NLRP5: variants seen among roughly 807,000 people sequenced by gnomAD.
NLRP5 encodes the protein NACHT, LRR and PYD domains-containing protein 5.
In NLRP5, 93 loss-of-function variants were observed where a neutral mutation model predicts 113.1. The ratio of observed to expected loss-of-function variants is 0.82; its 90% CI spans 0.70 to 0.98. The LOEUF (loss-of-function observed/expected upper bound fraction) is 0.98, where lower values mean the gene tolerates loss of function less well. NLRP5 is among the 50% of genes least tolerant of loss of function. The pLI is 0.00. For synonymous variants in NLRP5, 751 were observed against 600.7 expected, an observed-to-expected ratio of 1.25 and a Z score of -3.66; for missense variants, 1,808 against 1,514.3, an observed-to-expected ratio of 1.19 and a Z score of -3.22.
At chr19:56,035,029 C>A (rs189658787) in intron 9 of NLRP5, among the ~76,000 whole-genome samples, 4 of 152,332 alleles carry the variant, frequency 2.6e-5, no homozygotes, top group Admixed American at 1.3e-4. Context: ...ACGTCCACCT[C>A]CCTGGTTCAG....
Position 56,019,371 on chromosome 19 carries a change from G to A in NLRP5, c.595G>A (p.Ala199Thr), listed in dbSNP as rs756082635. The stretch of plus-strand genomic sequence containing the variant: ...TTCACAAGCTATGGAACAAGAAGGT[G>A]CCACAGCAGCAGAGACAGAAGAACA... The change falls in exon 5 of 15, where the codon GCC becomes ACC. Residue 199 changes from alanine to threonine, a missense_variant. Physicochemically the swap from Ala to Thr is moderately conservative, Grantham distance 58 (BLOSUM62 0). Transcript: ENST00000390649. 25 of 1,613,876 alleles carry A rather than the reference G, an allele frequency of 1.5e-5. No individual in the cohort carries two copies. Among genetic ancestry groups the A allele is most frequent in the South Asian group, 1.1e-4 (10 of 91,092 alleles).
In NLRP5 at chr19:56,020,435, A is replaced by G; in HGVS notation, c.679+4A>G. 3.7e-6 allele frequency: 6 copies of G among 1,613,220 alleles called. No homozygotes were observed. Among genetic ancestry groups the G allele is most frequent in the Non-Finnish European group, 4.2e-6 (5 of 1,179,502 alleles). On this transcript the variant is annotated splice_donor_region_variant and intron_variant, in intron 6 of 14. Coordinates refer to ENST00000390649, the MANE Select transcript of NLRP5 (RefSeq NM_153447.4). ...GCAGCAGAGACAGAAGAACAAGGTG[A>G]GGAAAATAGATGTATTCCTTGGTTG...
chr19:56,009,001 G>C (rs1230361140), intron 3 of NLRP5, 148 bp downstream of exon 3: 2 of 721,040 alleles, frequency 2.8e-6, no homozygotes, highest in African/African-American at 1.8e-5. Flanking sequence ...GATGGGTTCT[G>C]AGGATCTGGT....
Position 56,015,727 on chromosome 19 carries a change from C to T in NLRP5, c.509-15C>T, listed in dbSNP as rs1302713517. 6.4e-7 allele frequency: 1 copy of T among 1,555,458 alleles called. No homozygotes were observed. Among genetic ancestry groups the T allele is most frequent in the South Asian group, 1.2e-5 (1 of 83,428 alleles). On this transcript the variant is annotated splice_polypyrimidine_tract_variant and intron_variant, in intron 3 of 14. Transcript: ENST00000390649. ...CAGTATGTTTGTGTTTATTCTTCTCCCTTCTCTTTTGCAGGAATTTCACAA... is the reference window on the plus strand; with the variant it reads ...CAGTATGTTTGTGTTTATTCTTCTCTCTTCTCTTTTGCAGGAATTTCACAA...
upstream of NLRP5, among the ~76,000 whole-genome samples, chr19:55,999,110 C>T (rs1224207297): frequency 6.6e-6 from 1 of 151,870 alleles, no homozygotes; most frequent in Non-Finnish European, 1.5e-5. Context: ...CCATTTTATC[C>T]CCCAGTCTCT....
intron 2 of NLRP5, among the ~76,000 whole-genome samples, chr19:56,005,186 C>T (rs866724397): frequency 2.1e-5 from 3 of 142,124 alleles, no homozygotes; most frequent in East Asian, 4.0e-4. Context: ...TATATACACA[C>T]ATATTTTTAT....
chr19:56,049,230 A>T (rs1462229834), intron 11 of NLRP5, among the ~76,000 whole-genome samples: 1 of 151,496 alleles, frequency 6.6e-6, no homozygotes, highest in Non-Finnish European at 1.5e-5. Context: ...CCCATGCTGG[A>T]GTGCAATGGT....
chr19:56,061,592 G>C lies in NLRP5; in HGVS notation c.*64G>C. The C allele has an allele frequency of 6.3e-7, 1 of 1,581,412 alleles. No individual in the cohort carries two copies. Among genetic ancestry groups the C allele is most frequent in the Non-Finnish European group, 8.7e-7 (1 of 1,153,468 alleles). ...AGGAACTTTAAACGCTGTTTTCTCA[G>C]AGCAAGCTATGCACCTGGGAGTTCC... is the stretch of plus-strand genomic sequence containing the variant. On this transcript the variant is annotated 3_prime_UTR_variant, in exon 15 of 15. Transcript: ENST00000390649.
chr19:56,038,472 C>A (rs932027653), intron 10 of NLRP5, among the ~76,000 whole-genome samples: 3 of 152,204 alleles, frequency 2.0e-5, no homozygotes, highest in African/African-American at 7.2e-5. Context: ...ATAAAGCTCT[C>A]CTGGGCGTGA....
chr19:56,000,615 T>C (rs542990526), intron 1 of NLRP5, among the ~76,000 whole-genome samples: 6 of 151,982 alleles, frequency 3.9e-5, no homozygotes, highest in Admixed American at 3.3e-4. Context: ...CCGCCCACTT[T>C]GGCCTCCCAA....
At chr19:56,030,767 T>A (rs528811139) in intron 7 of NLRP5, among the ~76,000 whole-genome samples, 28 of 124,874 alleles carry the variant, frequency 2.2e-4, no homozygotes, top group Non-Finnish European at 3.8e-4. Context: ...CAGGCTGGAG[T>A]GCAGTGGTGC....
chr19:56,053,463 C>T (rs988180028), intron 12 of NLRP5, among the ~76,000 whole-genome samples, 175 bp from the exon 13 acceptor site: 1 of 152,178 alleles, frequency 6.6e-6, no homozygotes, highest in African/African-American at 2.4e-5. Flanking sequence ...CCTCCGCTAT[C>T]ATTCCTCTCT....
chr19:55,995,425 A>G (rs1394531181), upstream of NLRP5, among the ~76,000 whole-genome samples: 2 of 152,228 alleles, frequency 1.3e-5, no homozygotes, highest in Non-Finnish European at 2.9e-5. Flanking sequence ...AGAGTTGGCT[A>G]TAAATATATG....
At chr19:56,000,190 C>T (rs60916046) in intron 1 of NLRP5, among the ~76,000 whole-genome samples, 5 of 150,388 alleles carry the variant, frequency 3.3e-5, no homozygotes, top group African/African-American at 1.2e-4. Context: ...CTCCGCTCTT[C>T]TCAATGACAG....
At chr19:56,026,149 A>T (rs1448471285) in intron 6 of NLRP5, among the ~76,000 whole-genome samples, 1 of 152,106 alleles carries the variant, frequency 6.6e-6, no homozygotes, top group East Asian at 1.9e-4. Context: ...CTGGCTAGGA[A>T]GAAACAAGAC....
At chr19:56,021,123 G>A (rs1198024146) in intron 6 of NLRP5, among the ~76,000 whole-genome samples, 1 of 152,086 alleles carries the variant, frequency 6.6e-6, no homozygotes. Flanking sequence ...GCCCACCTTA[G>A]CCTCCCAAAG....
chr19:56,018,503 T>C (rs1982492313), intron 4 of NLRP5: 1 of 152,202 alleles, frequency 6.6e-6, no homozygotes, highest in Non-Finnish European at 1.5e-5. Context: ...TAGATGAGCA[T>C]ACAGAAACAT....
rs187094725 is a variant in NLRP5 at position 56,041,143 on chromosome 19, A to G, written c.2957+51A>G. ...GGACTTCCTAGCTTTCTAACATAGC[A>G]TGGTGTAGCTCTCAAAGCAGAAGGC... On this transcript the variant is annotated intron_variant, in intron 11 of 14. Transcript: ENST00000390649. 217 of 1,577,874 alleles carry G rather than the reference A, an allele frequency of 1.4e-4. No individual in the cohort carries two copies. The African/African-American group carries it at 2.3e-3, about 16-fold the overall frequency.
chr19:56,037,935 C>T (rs544184162), intron 9 of NLRP5, 90 bp from the exon 10 acceptor site: 100 of 1,351,038 alleles, frequency 7.4e-5, no homozygotes, highest in East Asian at 1.2e-4. Context: ...ACCAGGAAAA[C>T]GGCCAGCGCT....
Sources: allele counts gnomAD v4.1 joint callset (sites outside exome capture counted in the v4.1 genomes callset), GRCh38; gene constraint gnomAD v4.1.1; transcripts MANE v1.5; gene names NCBI Gene and HGNC (gene_info 2026-07-23, HGNC 2026-07-21).